Variants in CNIH3 observed in about 807,000 individuals in gnomAD.
CNIH3 encodes cornichon family AMPA receptor auxiliary protein 3.
In CNIH3, 14 loss-of-function variants were observed where a neutral mutation model predicts 24.1. That is an observed-to-expected ratio of 0.58 (90% CI 0.38 to 0.91). CNIH3 has a LOEUF of 0.91. CNIH3 is among the 40% of genes least tolerant of loss of function. The probability of loss-of-function intolerance (pLI) is 0.00; values close to 1 mark genes in which losing one functional copy is unlikely to be tolerated. For synonymous variants in CNIH3, 68 were observed against 73.8 expected, an observed-to-expected ratio of 0.92 and a Z score of 0.40; for missense variants, 178 against 196.8, an observed-to-expected ratio of 0.90 and a Z score of 0.57.
At chr1:224,490,680 G>A (rs1428708497) in intron 1 of CNIH3, among the ~76,000 whole-genome samples, 2 of 152,136 alleles carry the variant, frequency 1.3e-5, no homozygotes, top group African/African-American at 2.4e-5. Flanking sequence ...GACTTAACTT[G>A]TAAATCCTCC....
chr1:224,726,358 G>A (rs1204221383), intron 3 of CNIH3, among the ~76,000 whole-genome samples: 1 of 152,222 alleles, frequency 6.6e-6, no homozygotes, highest in East Asian at 1.9e-4. Context: ...AAGTTTGCAG[G>A]TACTGATAGG....
At chr1:224,489,090 A>G (rs1316008158) in intron 1 of CNIH3, among the ~76,000 whole-genome samples, 1 of 151,736 alleles carries the variant, frequency 6.6e-6, no homozygotes, top group Non-Finnish European at 1.5e-5. Context: ...TTGTCAATAC[A>G]TTGCAGAGAT....
Position 224,684,178 on chromosome 1 carries a change from C to T in CNIH3, c.151-618C>T, listed in dbSNP as rs549409695. Among the ~76,000 whole-genome samples, 75 of 152,334 alleles carry T rather than the reference C, an allele frequency of 4.9e-4. No individual in the cohort carries two copies. The highest frequency in any genetic ancestry group is 1.8e-3 in the Admixed American group (27 of 15,308). On this transcript the variant is annotated intron_variant, in intron 2 of 5. Transcript: ENST00000272133. This position sits in a 1 kb window ranked among gnomAD's most constrained non-coding sequence, Gnocchi z 4.2. ...TGCACGATGCGGGCATCATCACCTG[C>T]CCAGCCACGGGCCATCATCTCATCT...
upstream of CNIH3, among the ~76,000 whole-genome samples, chr1:224,515,073 A>G (rs1678325009): frequency 6.6e-6 from 1 of 152,190 alleles, no homozygotes; most frequent in Admixed American, 6.5e-5. Flanking sequence ...CTTTGGAATG[A>G]TCTTTGACAA....
intron 1 of CNIH3, among the ~76,000 whole-genome samples, chr1:224,644,819 T>C (rs767606042): frequency 3.3e-5 from 5 of 152,186 alleles, no homozygotes; most frequent in Non-Finnish European, 7.3e-5. Flanking sequence ...CCAGAGAGGC[T>C]CAGGCAAATG....
intron 2 of CNIH3, among the ~76,000 whole-genome samples, chr1:224,534,279 CAT>C (rs1679195537): frequency 2.0e-5 from 3 of 152,288 alleles, no homozygotes; most frequent in Admixed American, 2.0e-4. Flanking sequence ...AAATGGATGA[CAT>C]GTGATTGGAT....
At chr1:224,498,819 A>G (rs1677540034) in intron 1 of CNIH3, among the ~76,000 whole-genome samples, 1 of 152,228 alleles carries the variant, frequency 6.6e-6, no homozygotes, top group Admixed American at 6.5e-5. Context: ...GTGCTGCAAC[A>G]GTGCAGCAGA....
chr1:224,596,525 G>A (rs142332558), intron 3 of CNIH3, among the ~76,000 whole-genome samples: 2 of 152,196 alleles, frequency 1.3e-5, no homozygotes, highest in African/African-American at 4.8e-5. Context: ...TGTAGTCCAT[G>A]GATTGAGGAG....
chr1:224,551,248 C>T (rs1679909107), intron 3 of CNIH3, among the ~76,000 whole-genome samples: 1 of 152,130 alleles, frequency 6.6e-6, no homozygotes, highest in Non-Finnish European at 1.5e-5. Flanking sequence ...ATAAATCATG[C>T]TGCTATAAAG....
rs544305686 is a variant in CNIH3, at chr1:224,506,283, G to A, written n.204-9458G>A. Among the ~76,000 whole-genome samples, 60 of 77,994 alleles carry A rather than the reference G, an allele frequency of 7.7e-4. No homozygotes were observed. In the East Asian group the frequency reaches 8.2e-3, roughly 11 times the overall value. The allele number at this position is 77,994 out of a possible 152,430, so 51.2% of individuals were successfully genotyped here. A position where few individuals can be genotyped will look rare whatever the true frequency, so the allele number is the denominator to read the frequency against. On this transcript the variant is annotated intron_variant and non_coding_transcript_variant, in intron 1 of 5. Coordinates refer to the CNIH3 transcript ENST00000471578. ...TATGCACGCACACGCGCGCGCGCGC[G>A]CGCGCACACACACACACACACGGTC...
At chr1:224,625,693 A>T (rs932156896) in intron 1 of CNIH3, among the ~76,000 whole-genome samples, 19 of 152,332 alleles carry the variant, frequency 1.2e-4, no homozygotes, top group African/African-American at 4.6e-4. Context: ...GGGATAGATC[A>T]GGGTGGTTGA....
upstream of CNIH3, among the ~76,000 whole-genome samples, chr1:224,512,620 A>G (rs925993344): frequency 6.6e-6 from 1 of 152,252 alleles, no homozygotes; most frequent in African/African-American, 2.4e-5. Context: ...TTATCTAACA[A>G]CATACCATGA....
At chr1:224,505,065 T>TTCCTTCCTTC (rs1464941360) in intron 1 of CNIH3, among the ~76,000 whole-genome samples, 1 of 94,508 alleles carries the variant, frequency 1.1e-5, no homozygotes, top group Non-Finnish European at 2.2e-5. Flanking sequence ...TTCCTTCCTT[T>TTCCTTCCTTC]CTTGTGAGAG....
chr1:224,655,671 C>G (rs1685062721), intron 1 of CNIH3, among the ~76,000 whole-genome samples: 1 of 152,140 alleles, frequency 6.6e-6, no homozygotes, highest in South Asian at 2.1e-4. Context: ...GCAAAACACC[C>G]AGGGATCCGT....
intron 4 of CNIH3, among the ~76,000 whole-genome samples, chr1:224,732,542 G>T (rs920493389): frequency 4.6e-5 from 7 of 152,152 alleles, no homozygotes; most frequent in African/African-American, 1.7e-4. Flanking sequence ...CTTAACCTGT[G>T]TTGCTCAGCT....
chr1:224,541,341 C>T (rs1336483081), downstream of CNIH3, among the ~76,000 whole-genome samples: 2 of 151,998 alleles, frequency 1.3e-5, no homozygotes, highest in African/African-American at 4.8e-5. Context: ...CCTTTTTCCT[C>T]ATATGGTTGT....
chr1:224,653,422 C>CAAAAA (rs60825350), intron 1 of CNIH3, among the ~76,000 whole-genome samples: 3 of 114,340 alleles, frequency 2.6e-5, no homozygotes, highest in East Asian at 2.4e-4. Context: ...AACTCCACCT[C>CAAAAA]AAAAAAAAAA....
chr1:224,474,200 A>G (rs1676475165), intron 1 of CNIH3, among the ~76,000 whole-genome samples: 1 of 152,094 alleles, frequency 6.6e-6, no homozygotes, highest in African/African-American at 2.4e-5. Flanking sequence ...CCCCGTCTCT[A>G]CTAAAAATAC....
chr1:224,435,762 T>G (rs1674630032), intron 1 of CNIH3: 1 of 152,224 alleles, frequency 6.6e-6, no homozygotes, highest in Admixed American at 6.5e-5. Context: ...CTGGGCTGAA[T>G]CTTAATCATT....
Sources: gnomAD v4.1 joint callset for allele counts (sites outside exome capture counted in the v4.1 genomes callset) on GRCh38, gnomAD v4.1.1 for gene constraint, Gnocchi (gnomAD v3.1) non-coding constraint, MANE v1.5 for transcripts, NCBI Gene and HGNC (gene_info 2026-07-23, HGNC 2026-07-21) for gene names.